The following ADCY10 variants were observed in gnomAD, a reference collection of about 807,000 sequenced individuals.
ADCY10 encodes adenylate cyclase type 10.
Under a neutral mutation model 183.3 loss-of-function variants are expected in ADCY10, and 156 were observed. The ratio of observed to expected loss-of-function variants is 0.85; its 90% CI spans 0.75 to 0.97. The LOEUF is 0.97. Among genes scored for constraint, ADCY10 ranks in the 50% least tolerant of loss-of-function variants. The pLI, the probability that ADCY10 is intolerant of heterozygous loss-of-function variation, is 0.00. For synonymous variants in ADCY10, 645 were observed against 670.0 expected (o/e 0.96, Z 0.58); for missense variants, 1,745 against 1,934.3 (o/e 0.90, Z 1.84).
chr1:167,842,440 C>T (rs1364805637), intron 21 of ADCY10, among the ~76,000 whole-genome samples: 2 of 152,132 alleles, frequency 1.3e-5, no homozygotes, highest in Non-Finnish European at 2.9e-5. Flanking sequence ...GGATTACAAG[C>T]GTGAGCCACC....
chr1:167,855,633 C>A (rs1281051736), intron 17 of ADCY10, among the ~76,000 whole-genome samples: 1 of 152,182 alleles, frequency 6.6e-6, no homozygotes, highest in East Asian at 1.9e-4. Context: ...TTTCACTAAG[C>A]AAAGTTTAAG....
chr1:167,909,538 T>G (rs1207494289), intron 1 of ADCY10, among the ~76,000 whole-genome samples: 1 of 149,954 alleles, frequency 6.7e-6, no homozygotes, highest in Non-Finnish European at 1.5e-5. Context: ...TCTTAAAACA[T>G]TATGAGATTT....
At chr1:167,863,390 A>T (rs970286128) in intron 14 of ADCY10, among the ~76,000 whole-genome samples, 1 of 152,078 alleles carries the variant, frequency 6.6e-6, no homozygotes, top group African/African-American at 2.4e-5. Flanking sequence ...GGCTTACTCA[A>T]TCGATCACGA....
Position 167,829,266 on chromosome 1 carries a change from C to T in ADCY10, c.3750+1G>A, listed in dbSNP as rs200044782. The T allele has an allele frequency of 3.1e-6, 5 of 1,613,888 alleles. No individual in the cohort carries two copies. The African/African-American group carries it at 5.3e-5, about 17-fold the overall frequency. On this transcript the variant is annotated splice_donor_variant, in intron 26 of 32. Transcript: ENST00000367851. LOFTEE classifies it high-confidence loss of function. Reference sequence around the variant, plus strand: ...AAGGAGCAGCTACAAAAATCCCCTACCTGGAAACAATTTTGAGTTTCCAGT... The same window carrying T: ...AAGGAGCAGCTACAAAAATCCCCTATCTGGAAACAATTTTGAGTTTCCAGT...
chr1:167,850,662 CGTGTGTGTGTGTGTGTGTGT>C (rs35744623), intron 18 of ADCY10, among the ~76,000 whole-genome samples: 28 of 87,920 alleles, frequency 3.2e-4, no homozygotes, highest in African/African-American at 1.4e-3. Context: ...AAAAGGGGGC[CGTGTGTGTGTGTGTGTGTGT>C]GTGTGTGTGT....
intron 26 of ADCY10, among the ~76,000 whole-genome samples, chr1:167,827,646 C>T (rs1663406797): frequency 6.6e-6 from 1 of 151,862 alleles, no homozygotes; most frequent in African/African-American, 2.4e-5. Context: ...GGATCCGTGG[C>T]ACCTTTTCAG....
At chr1:167,902,942 A>G (rs867170724) in intron 3 of ADCY10, among the ~76,000 whole-genome samples, 21 of 152,220 alleles carry the variant, frequency 1.4e-4, no homozygotes, top group African/African-American at 4.6e-4. Flanking sequence ...TTTGGGTTTT[A>G]TAGATGCTGG....
intron 16 of ADCY10, among the ~76,000 whole-genome samples, chr1:167,857,255 T>G (rs551007048): frequency 1.3e-5 from 2 of 152,204 alleles, no homozygotes. Context: ...TGAGAAGAGA[T>G]TGAGTTAACC....
intron 16 of ADCY10, among the ~76,000 whole-genome samples, chr1:167,856,930 A>T (rs1470174882): frequency 4.6e-5 from 7 of 152,332 alleles, no homozygotes; most frequent in Admixed American, 1.3e-4. Flanking sequence ...AGCCGATGCT[A>T]TTCTAGCTTG....
At chr1:167,885,855 T>C (rs1052501771) in intron 8 of ADCY10, among the ~76,000 whole-genome samples, 1 of 152,022 alleles carries the variant, frequency 6.6e-6, no homozygotes, top group Admixed American at 6.6e-5. Context: ...ATCTCGTGAC[T>C]TGCCCACCTC....
Position 167,906,794 on chromosome 1 carries a change from T to C in ADCY10, c.-58-1596A>G, listed in dbSNP as rs111700159. ...ACAGAGTGAGACTCCATCTCTAAAA[T>C]AATAATAATGATAATAAAAAGAAAG... On this transcript the variant is annotated intron_variant, in intron 1 of 32. Transcript: ENST00000367851. 7.6e-3 allele frequency among the ~76,000 whole-genome samples: 1,154 copies of C among 151,740 alleles called. 13 individuals carry two copies. The highest frequency in any genetic ancestry group is 0.027 in the African/African-American group (1,110 of 41,356).
In ADCY10 at chr1:167,902,074, T is replaced by A. The variant is rs778965183; in HGVS notation, c.254-20A>T. On this transcript the variant is annotated intron_variant, in intron 3 of 32. Coordinates refer to ENST00000367851, the MANE Select transcript of ADCY10 (RefSeq NM_018417.6). Reference sequence around the variant, plus strand: ...ACACTTCTGAGAAAAAAAAAAAAAATTAAATCAAACCCTGATTCCTTAAAG... The same window carrying A: ...ACACTTCTGAGAAAAAAAAAAAAAAATAAATCAAACCCTGATTCCTTAAAG... The A allele has an allele frequency of 4.0e-5, 62 of 1,537,712 alleles. No individual in the cohort carries two copies. The highest frequency in any genetic ancestry group is 3.4e-4 in the Middle Eastern group (2 of 5,912).
In ADCY10 at chr1:167,861,065, T is replaced by C. The variant is rs754204736; in HGVS notation, c.1617-2A>G. On this transcript the variant is annotated splice_acceptor_variant, in intron 14 of 32. Transcript: ENST00000367851. LOFTEE classifies it high-confidence loss of function. ...TTATTCAATGAAATGGCAATAATCC[T>C]GTTTGTGAGAAAATCAAGAAACAGA... 1.9e-5 allele frequency: 31 copies of C among 1,613,368 alleles called. No individual in the cohort carries two copies. The highest frequency in any genetic ancestry group is 2.6e-5 in the Non-Finnish European group (31 of 1,179,440).
At chr1:167,837,045 T>C in intron 22 of ADCY10, 1 of 615,644 alleles carries the variant, frequency 1.6e-6, no homozygotes, top group South Asian at 1.8e-5. Context: ...ATAAATAAAA[T>C]AAAATATCTT....
chr1:167,848,628 AC>A (rs1218244726), intron 18 of ADCY10, 139 bp from the exon 19 acceptor site: 1 of 996,958 alleles, frequency 1.0e-6, no homozygotes, highest in Non-Finnish European at 1.5e-6. Context: ...TATTCTGGAA[AC>A]CTTTTTTTTG....
At chr1:167,896,797 T>G in intron 6 of ADCY10, 106 bp from the exon 7 acceptor site, 1 of 785,534 alleles carries the variant, frequency 1.3e-6, no homozygotes, top group Non-Finnish European at 2.2e-6. Flanking sequence ...TGAACAGTGA[T>G]TGGCACACTT....
intron 5 of ADCY10, among the ~76,000 whole-genome samples, chr1:167,899,940 G>A (rs1669277313): frequency 6.6e-6 from 1 of 152,102 alleles, no homozygotes; most frequent in Admixed American, 6.5e-5. Flanking sequence ...AGGGCAACAG[G>A]GAATACCTTT....
At chr1:167,898,729 T>A (rs1669184396) in intron 6 of ADCY10, among the ~76,000 whole-genome samples, 1 of 152,138 alleles carries the variant, frequency 6.6e-6, no homozygotes, top group Non-Finnish European at 1.5e-5. Context: ...GGTTGTAGGC[T>A]GATGCATGAG....
chr1:167,881,474 G>A (rs574968949), intron 9 of ADCY10, among the ~76,000 whole-genome samples: 10 of 152,316 alleles, frequency 6.6e-5, no homozygotes, highest in Middle Eastern at 3.4e-3. Context: ...GATCTGCCTT[G>A]ACATGAAGGG....
Sources: allele counts gnomAD v4.1 joint callset (sites outside exome capture counted in the v4.1 genomes callset), GRCh38; gene constraint gnomAD v4.1.1; transcripts MANE v1.5; gene names NCBI Gene and HGNC (gene_info 2026-07-23, HGNC 2026-07-21).